The following ZNF283 variants were observed in gnomAD, a reference collection of about 807,000 sequenced individuals.
The protein encoded by ZNF283 is zinc finger protein 41.
ZNF283 carries 10 observed loss-of-function variants against 9.2 expected under a neutral mutation model. That is an observed-to-expected ratio of 1.09 (90% confidence interval 0.67 to 1.85). The LOEUF is 1.85. Ranked by LOEUF, ZNF283 falls within the 40% of genes most tolerant of loss-of-function variation. The probability of loss-of-function intolerance (pLI) is 0.00; values close to 1 mark genes in which losing one functional copy is unlikely to be tolerated. For missense variants in ZNF283, 631 were observed against 760.1 expected (o/e 0.83, Z 2.00); for synonymous variants, 234 against 244.1 (o/e 0.96, Z 0.38).
rs2146591249 is a variant in ZNF283, at chr19:43,848,113, A to T, written c.1512A>T (p.Arg504=). ...TTTGTAGTGGGTATCAACTTACTCG[A>T]CATCAGGTATTTCACACTGGTGAGA... is the stretch of plus-strand genomic sequence containing the variant. ...KTFCSGYQLT[R]HQVFHTGEKP... The change falls in exon 7 of 7, where the codon CGA becomes CGT. Residue 504 remains arginine, a synonymous_variant. Coordinates refer to ENST00000618787, the MANE Select transcript of ZNF283 (RefSeq NM_181845.2). The T allele has an allele frequency of 6.2e-7, 1 of 1,613,758 alleles. No homozygotes were observed. Among genetic ancestry groups the T allele is most frequent in the East Asian group, 2.2e-5 (1 of 44,826 alleles).
chr19:43,846,889 TTTTC>T, intron 6 of ZNF283, 46 bp from the exon 7 acceptor site: 1 of 1,210,026 alleles, frequency 8.3e-7, no homozygotes. Flanking sequence ...TTTTTTTTTT[TTTTC>T]CCTAGTGAAG....
intron 6 of ZNF283, 113 bp from the exon 7 acceptor site, chr19:43,846,826 C>A: frequency 1.2e-6 from 1 of 811,470 alleles, no homozygotes; most frequent in Non-Finnish European, 1.8e-6. Context: ...TGCCTTAATG[C>A]CAAGGAGTGA....
chr19:43,833,995 T>C (rs1180688918), intron 4 of ZNF283: 1 of 152,250 alleles, frequency 6.6e-6, no homozygotes, highest in East Asian at 1.9e-4. Context: ...GGGGACCTGC[T>C]TTAGGAACTC....
rs1971527631 is a variant in ZNF283 at position 43,848,682 on chromosome 19, A to C, written c.*41A>C. The stretch of plus-strand genomic sequence containing the variant: ...GAATATTTTGTGTGTGTGTATAGAC[A>C]ACTTATCATAATAAGAACTCTTACT... On this transcript the variant is annotated 3_prime_UTR_variant, in exon 7 of 7. Coordinates refer to ENST00000618787, the MANE Select transcript of ZNF283 (RefSeq NM_181845.2). 6.7e-7 allele frequency: 1 copy of C among 1,483,908 alleles called. No individual in the cohort carries two copies. The highest frequency in any genetic ancestry group is 2.2e-5 in the Admixed American group (1 of 44,706). The allele number at this position is 1,483,908 out of a possible 1,614,324, so 91.9% of individuals were successfully genotyped here. A position where few individuals can be genotyped will look rare whatever the true frequency, so the allele number is the denominator to read the frequency against.
chr19:43,848,208 T>C lies in ZNF283; in HGVS notation c.1607T>C (p.Ile536Thr), dbSNP rs188402731. ...CGSSLVQHER[I>T]HTGEKPYECK... is the part of the protein sequence containing the mutation. ...TCAAGCCTTGTTCAACATGAAAGAATCCATACAGGGGAGAAACCCTATGAA... is the reference window on the plus strand; with the variant it reads ...TCAAGCCTTGTTCAACATGAAAGAACCCATACAGGGGAGAAACCCTATGAA... The change falls in exon 7 of 7, where the codon ATC (isoleucine) becomes ACC (threonine). Residue 536 changes from isoleucine (I) to threonine (T), a missense_variant. Coordinates refer to ENST00000618787, the MANE Select transcript of ZNF283 (RefSeq NM_181845.2). 7 of 1,613,838 alleles carry C rather than the reference T, an allele frequency of 4.3e-6. No individual in the cohort carries two copies. In the Admixed American group the frequency reaches 6.7e-5, roughly 15 times the overall value.
chr19:43,833,029 G>GAAA (rs368640688), intron 3 of ZNF283, among the ~76,000 whole-genome samples: 5 of 76,468 alleles, frequency 6.5e-5, no homozygotes, highest in Admixed American at 1.6e-4. Flanking sequence ...CCCTGTCTCT[G>GAAA]AAAAAAAAAA....
At chr19:43,844,441 C>T (rs1365321765) in intron 6 of ZNF283, among the ~76,000 whole-genome samples, 3 of 152,140 alleles carry the variant, frequency 2.0e-5, no homozygotes, top group Admixed American at 6.6e-5. Context: ...CTATGTTGTA[C>T]AAAACTGTAC....
intron 5 of ZNF283, among the ~76,000 whole-genome samples, chr19:43,836,212 A>G (rs370179192): frequency 6.6e-6 from 1 of 152,254 alleles, no homozygotes; most frequent in Admixed American, 6.5e-5. Flanking sequence ...TATTCATCAT[A>G]AGAAAAAATG....
In ZNF283 at chr19:43,848,758, TTTATGGGCAA is replaced by T; in HGVS notation, c.*122_*131del. ...GTTGTGCAAAAGCCATTCATTTCTG[TTTATGGGCAA>T]TTATCTTGCTATCCAGCAATTCATA... On this transcript the variant is annotated 3_prime_UTR_variant, in exon 7 of 7. Coordinates refer to ENST00000618787, the MANE Select transcript of ZNF283 (RefSeq NM_181845.2). The T allele has an allele frequency of 1.0e-6, 1 of 996,566 alleles. No homozygotes were observed. The highest frequency in any genetic ancestry group is 3.0e-5 in the Admixed American group (1 of 33,212). The allele number at this position is 996,566 out of a possible 1,614,324, so 61.7% of individuals were successfully genotyped here.
chr19:43,838,913 G>C (rs565683395), intron 6 of ZNF283, among the ~76,000 whole-genome samples: 1 of 152,146 alleles, frequency 6.6e-6, no homozygotes, highest in South Asian at 2.1e-4. Flanking sequence ...TTGCTTTGAA[G>C]TGCCTGGTTA....
At position 43,848,688 on chromosome 19, in the gene ZNF283, T is replaced by A; in HGVS notation, c.*47T>A. On this transcript the variant is annotated 3_prime_UTR_variant, in exon 7 of 7. Transcript: ENST00000618787. ...TTTGTGTGTGTGTATAGACAACTTA[T>A]CATAATAAGAACTCTTACTCTTGAG... The A allele has an allele frequency of 6.8e-7, 1 of 1,479,128 alleles. No individual in the cohort carries two copies. The highest frequency in any genetic ancestry group is 9.0e-7 in the Non-Finnish European group (1 of 1,112,264). The allele number at this position is 1,479,128 out of a possible 1,614,324, so 91.6% of individuals were successfully genotyped here.
rs1435270003 is a variant in ZNF283 at position 43,849,356 on chromosome 19, C to A, written c.*715C>A. 1 of 152,120 alleles carries A rather than the reference C, an allele frequency of 6.6e-6. No homozygotes were observed. Among genetic ancestry groups the A allele is most frequent in the African/African-American group, 2.4e-5 (1 of 41,442 alleles). 9.4% of individuals were successfully genotyped at this position (152,120 alleles called of 1,614,324 possible). ...TTGAGAATTGAAAACAAAGTTTGTTCTTTCCCAGAAATAATTTGAGACAAG... is the reference window on the plus strand; with the variant it reads ...TTGAGAATTGAAAACAAAGTTTGTTATTTCCCAGAAATAATTTGAGACAAG... On this transcript the variant is annotated 3_prime_UTR_variant, in exon 7 of 7. Transcript: ENST00000618787.
rs1971552594 is a variant in ZNF283 at position 43,849,700 on chromosome 19, C to T, written c.*1059C>T. The T allele has an allele frequency of 6.6e-6, 1 of 152,208 alleles. No individual in the cohort carries two copies. The highest frequency in any genetic ancestry group is 1.5e-5 in the Non-Finnish European group (1 of 68,024). The allele number at this position is 152,208 out of a possible 1,614,324, so 9.4% of individuals were successfully genotyped here. On this transcript the variant is annotated 3_prime_UTR_variant, in exon 7 of 7. Coordinates refer to ENST00000618787, the MANE Select transcript of ZNF283 (RefSeq NM_181845.2). ...CTGTCATCACCATTTCACCTCCATACTACCTGTAGGATGGTGAGCAAAATG... is the reference window on the plus strand; with the variant it reads ...CTGTCATCACCATTTCACCTCCATATTACCTGTAGGATGGTGAGCAAAATG...
Position 43,848,382 on chromosome 19 carries a change from C to G in ZNF283, c.1781C>G (p.Thr594Ser). Residue 594 changes from threonine (T) to serine (S), a missense_variant, in exon 7 of 7, where the codon ACT becomes AGT. By Grantham distance (58) the Thr-to-Ser change is moderately conservative. Coordinates refer to ENST00000618787, the MANE Select transcript of ZNF283 (RefSeq NM_181845.2). ...CTAGTTAAGCATGAGAGAGTCCATACTAATGAGAAGTCTTATGAATGTAAA... is the reference window on the plus strand; with the variant it reads ...CTAGTTAAGCATGAGAGAGTCCATAGTAATGAGAAGTCTTATGAATGTAAA... Reference protein sequence around the residue: ...SSLVKHERVHTNEKSYECKDC... With the variant: ...SSLVKHERVHSNEKSYECKDC... The G allele has an allele frequency of 6.2e-7, 1 of 1,613,766 alleles. No homozygotes were observed. The highest frequency in any genetic ancestry group is 8.5e-7 in the Non-Finnish European group (1 of 1,179,862).
chr19:43,831,095 AT>A (rs2056267090), intron 2 of ZNF283, among the ~76,000 whole-genome samples: 1 of 152,104 alleles, frequency 6.6e-6, no homozygotes, highest in South Asian at 2.1e-4. Flanking sequence ...GCTCAAGAAT[AT>A]TGTGTTATGT....
intron 6 of ZNF283, among the ~76,000 whole-genome samples, chr19:43,843,723 A>C (rs868769084): frequency 6.6e-6 from 1 of 152,202 alleles, no homozygotes; most frequent in South Asian, 2.1e-4. Flanking sequence ...TGATGTTACA[A>C]AATTACACAT....
chr19:43,839,232 C>T (rs530929915), intron 6 of ZNF283, among the ~76,000 whole-genome samples: 1 of 80,188 alleles, frequency 1.2e-5, no homozygotes, highest in South Asian at 5.6e-4. Context: ...TCTTGGTTGA[C>T]AGTTTTTTTT....
In ZNF283 at chr19:43,848,104, A is replaced by G; in HGVS notation, c.1503A>G (p.Gln501=). The change falls in exon 7 of 7, where the codon CAA becomes CAG. Residue 501 remains glutamine, a synonymous_variant. Coordinates refer to ENST00000618787, the MANE Select transcript of ZNF283 (RefSeq NM_181845.2). ...ECGKTFCSGY[Q]LTRHQVFHTG... is the part of the protein sequence containing the mutation. ...GAAAGACCTTTTGTAGTGGGTATCA[A>G]CTTACTCGACATCAGGTATTTCACA... 3 of 1,612,500 alleles carry G rather than the reference A, an allele frequency of 1.9e-6. No homozygotes were observed. The highest frequency in any genetic ancestry group is 1.7e-6 in the Non-Finnish European group (2 of 1,179,606).
chr19:43,843,213 C>T (rs1268933106), intron 6 of ZNF283, among the ~76,000 whole-genome samples: 1 of 152,212 alleles, frequency 6.6e-6, no homozygotes, highest in Admixed American at 6.5e-5. Flanking sequence ...TGGTGGCACG[C>T]GCCTGTAGTC....
Sources: allele counts gnomAD v4.1 joint callset (sites outside exome capture counted in the v4.1 genomes callset), GRCh38; gene constraint gnomAD v4.1.1; transcripts MANE v1.5; gene names NCBI Gene and HGNC (gene_info 2026-07-23, HGNC 2026-07-21).